Variants in NAV1 observed in about 807,000 individuals in gnomAD.
The protein encoded by NAV1 is pore membrane and/or filament interacting like protein 3.
Under a neutral mutation model 175.2 loss-of-function variants are expected in NAV1, and 18 were observed. The ratio of observed to expected loss-of-function variants is 0.10; its 90% confidence interval spans 0.07 to 0.15. The LOEUF (loss-of-function observed/expected upper bound fraction) is 0.15, where lower values mean the gene tolerates loss of function less well. NAV1 is among the 10% of genes least tolerant of loss of function. NAV1 has a pLI of 1.00. For synonymous variants in NAV1, 897 were observed against 978.7 expected (o/e 0.92, Z 1.56); for missense variants, 1,731 against 2,436.6 (o/e 0.71, Z 6.10).
At chr1:201,544,410 C>T (rs1313153618) in intron 1 of NAV1, among the ~76,000 whole-genome samples, 1 of 152,150 alleles carries the variant, frequency 6.6e-6, no homozygotes, top group African/African-American at 2.4e-5. Flanking sequence ...AGAGTAAATA[C>T]CAACTTCTGT....
At chr1:201,703,863 G>T (rs1013217687) in intron 1 of NAV1, among the ~76,000 whole-genome samples, 1 of 152,202 alleles carries the variant, frequency 6.6e-6, no homozygotes, top group Non-Finnish European at 1.5e-5. Flanking sequence ...AGGGGGTGGG[G>T]TGACTGTCCT....
chr1:201,589,132 G>A (rs933465479), intron 2 of NAV1, among the ~76,000 whole-genome samples: 5 of 152,194 alleles, frequency 3.3e-5, no homozygotes, highest in Admixed American at 6.5e-5. Flanking sequence ...ACAGGCATGA[G>A]CCACTGCACC....
intron 1 of NAV1, among the ~76,000 whole-genome samples, chr1:201,711,996 A>G (rs950997978): frequency 1.3e-5 from 2 of 152,184 alleles, no homozygotes; most frequent in Admixed American, 6.5e-5. Context: ...GTTGAATACA[A>G]TGGCTCTTGG....
At position 201,810,133 on chromosome 1, in the gene NAV1, G is replaced by C; in HGVS notation, c.4561+28G>C. On this transcript the variant is annotated intron_variant, in intron 23 of 29. Coordinates refer to ENST00000367296, the Ensembl canonical transcript of NAV1. This position sits in a 1 kb window ranked among gnomAD's most constrained non-coding sequence, Gnocchi z 6.0. ...CAGTCTTTGTCTCTTGGGGTGAGGT[G>C]GTGTGGCATGAAGGCAGGGACAGGA... is the stretch of plus-strand genomic sequence containing the variant. 1 of 1,610,036 alleles carries C rather than the reference G, an allele frequency of 6.2e-7. No individual in the cohort carries two copies.
At chr1:201,661,657 G>A (rs928029773) in intron 1 of NAV1, among the ~76,000 whole-genome samples, 2 of 152,180 alleles carry the variant, frequency 1.3e-5, no homozygotes, top group Non-Finnish European at 2.9e-5. Flanking sequence ...GACTGGATGA[G>A]ATGCTGCATG....
At chr1:201,783,636 T>A (rs1403681988) in exon 7 of NAV1, 2 of 1,614,072 alleles carry the variant, frequency 1.2e-6, no homozygotes, top group Non-Finnish European at 1.7e-6. Flanking sequence ...CTGGAGCTAA[T>A]GAGTGGTTTC....
chr1:201,756,265 C>T (rs1238029324), intron 3 of NAV1, among the ~76,000 whole-genome samples: 1 of 152,090 alleles, frequency 6.6e-6, no homozygotes, highest in Non-Finnish European at 1.5e-5. Context: ...AATGCAGAGC[C>T]TATATAAAAA....
intron 1 of NAV1, among the ~76,000 whole-genome samples, chr1:201,574,621 G>A (rs1666641119): frequency 1.3e-5 from 2 of 152,154 alleles, no homozygotes; most frequent in African/African-American, 4.8e-5. Flanking sequence ...ACCAGGCTTG[G>A]GAAACCTGCA....
At chr1:201,642,247 C>T (rs1046213853) in intron 2 of NAV1, among the ~76,000 whole-genome samples, 2 of 145,514 alleles carry the variant, frequency 1.4e-5, no homozygotes, top group African/African-American at 2.6e-5. Context: ...GAGTCTTGGT[C>T]TGTCGCCCAG....
intron 2 of NAV1, among the ~76,000 whole-genome samples, chr1:201,591,887 G>A (rs751520211): frequency 6.6e-6 from 1 of 152,168 alleles, no homozygotes; most frequent in Non-Finnish European, 1.5e-5. Context: ...CACCAAACCC[G>A]GAGCTCTTGA....
intron 15 of NAV1, among the ~76,000 whole-genome samples, chr1:201,800,555 A>G (rs903837556): frequency 6.6e-6 from 1 of 152,308 alleles, no homozygotes; most frequent in African/African-American, 2.4e-5. Flanking sequence ...TATGGCCACA[A>G]AGCATAAAAT....
chr1:201,790,564 G>C, exon 12 of NAV1: 1 of 1,614,084 alleles, frequency 6.2e-7, no homozygotes, highest in Non-Finnish European at 8.5e-7. Flanking sequence ...GCTGAGGAGA[G>C]GATGCAATCT....
At chr1:201,645,403 G>T (rs1156855756), upstream of NAV1, among the ~76,000 whole-genome samples, 1 of 115,672 alleles carries the variant, frequency 8.6e-6, no homozygotes, top group Non-Finnish European at 1.7e-5. Context: ...GACTGTTGTG[G>T]GGTGGGGGGA....
intron 3 of NAV1, among the ~76,000 whole-genome samples, chr1:201,761,120 C>T (rs1037641585): frequency 6.6e-6 from 1 of 151,910 alleles, no homozygotes; most frequent in Non-Finnish European, 1.5e-5. Flanking sequence ...ATAAGGAGAC[C>T]GTGAACAGAA....
chr1:201,799,304 T>A (rs1677688431), intron 15 of NAV1, among the ~76,000 whole-genome samples: 1 of 152,196 alleles, frequency 6.6e-6, no homozygotes, highest in African/African-American at 2.4e-5. Context: ...ATATATTTGC[T>A]GAATGAATGA....
At chr1:201,701,981 A>G (rs145478378) in intron 1 of NAV1, among the ~76,000 whole-genome samples, 1 of 152,380 alleles carries the variant, frequency 6.6e-6, no homozygotes, top group East Asian at 1.9e-4. Context: ...GATGACCCAA[A>G]TGCCTATGAA....
At chr1:201,648,539 T>C in exon 1 of NAV1, 1 of 1,239,936 alleles carries the variant, frequency 8.1e-7, no homozygotes, top group Non-Finnish European at 1.0e-6. Context: ...TCTCCCCTTC[T>C]TCCTCGGTTT....
chr1:201,697,256 C>T (rs1177758209), intron 1 of NAV1, among the ~76,000 whole-genome samples: 2 of 152,054 alleles, frequency 1.3e-5, no homozygotes, highest in African/African-American at 4.8e-5. Flanking sequence ...CAGTGGTGGG[C>T]AGTAGAGGGG....
At chr1:201,727,042 T>G (rs991181520) in intron 3 of NAV1, among the ~76,000 whole-genome samples, 1 of 152,346 alleles carries the variant, frequency 6.6e-6, no homozygotes, top group South Asian at 2.1e-4. Context: ...CTCTGCTTGT[T>G]TCCTCAGCCG....
Sources: gnomAD v4.1 joint callset for allele counts (sites outside exome capture counted in the v4.1 genomes callset) on GRCh38, gnomAD v4.1.1 for gene constraint, Gnocchi (gnomAD v3.1) non-coding constraint, MANE v1.5 for transcripts, NCBI Gene and HGNC (gene_info 2026-07-23, HGNC 2026-07-21) for gene names.